XPO6: variants seen among roughly 807,000 people sequenced by gnomAD.
XPO6 encodes exportin 6.
A neutral mutation model predicts 130.0 loss-of-function variants in XPO6; 3 were observed. The ratio of observed to expected loss-of-function variants is 0.02; its 90% CI spans 0.01 to 0.06. The LOEUF (loss-of-function observed/expected upper bound fraction) is 0.06, where lower values mean the gene tolerates loss of function less well. XPO6 is among the 10% of genes least tolerant of loss of function. The pLI is 1.00. For synonymous variants in XPO6, 524 were observed against 548.9 expected (o/e 0.95, Z 0.63); for missense variants, 970 against 1,393.0 (o/e 0.70, Z 4.83).
intron 20 of XPO6, 188 bp downstream of exon 20, chr16:28,105,855 A>C: frequency 1.2e-6 from 1 of 832,726 alleles, no homozygotes; most frequent in Non-Finnish European, 1.8e-6. Flanking sequence ...GACTAGCTCC[A>C]ATGAACTCAA....
At chr16:28,197,467 C>T (rs1346349815) in intron 1 of XPO6, among the ~76,000 whole-genome samples, 2 of 152,010 alleles carry the variant, frequency 1.3e-5, no homozygotes, top group Non-Finnish European at 2.9e-5. Context: ...GAAAAAGATA[C>T]TGAGGAACAA....
intron 1 of XPO6, among the ~76,000 whole-genome samples, chr16:28,194,112 C>T (rs1413242902): frequency 1.3e-5 from 2 of 152,092 alleles, no homozygotes; most frequent in Admixed American, 1.3e-4. Flanking sequence ...TTCAACAGTA[C>T]TCCCCCTCAC....
intron 1 of XPO6, among the ~76,000 whole-genome samples, chr16:28,205,946 G>C (rs1194336264): frequency 1.3e-5 from 2 of 150,226 alleles, no homozygotes; most frequent in Non-Finnish European, 3.0e-5. Flanking sequence ...GCTGAGGCAG[G>C]AGAATCGCTT....
chr16:28,167,695 T>C (rs982675077), intron 5 of XPO6, among the ~76,000 whole-genome samples: 1 of 152,230 alleles, frequency 6.6e-6, no homozygotes. Context: ...TCTTCCTCTT[T>C]GTACCCGTAC....
At chr16:28,173,583 T>C (rs2043489865) in intron 4 of XPO6, among the ~76,000 whole-genome samples, 1 of 152,102 alleles carries the variant, frequency 6.6e-6, no homozygotes, top group Non-Finnish European at 1.5e-5. Context: ...TCTCTATTTA[T>C]TAAAATAAAA....
In XPO6 at chr16:28,101,140, C is replaced by T. The variant is rs2086647247; in HGVS notation, c.3276+318G>A. Reference sequence around the variant, plus strand: ...GCTGGCCCCACCGGGGCTCATCACCCAGGAGGGAGAACGGCAGGGTCCTGG... The same window carrying T: ...GCTGGCCCCACCGGGGCTCATCACCTAGGAGGGAGAACGGCAGGGTCCTGG... On this transcript the variant is annotated intron_variant, in intron 23 of 23. Transcript: ENST00000304658. The surrounding 1 kb of genome is among the most constrained non-coding windows in gnomAD (Gnocchi z 5.4). The T allele has an allele frequency of 2.3e-6, 1 of 429,050 alleles. No individual in the cohort carries two copies. The allele number at this position is 429,050 out of a possible 1,614,324, so 26.6% of individuals were successfully genotyped here.
intron 14 of XPO6, among the ~76,000 whole-genome samples, chr16:28,118,860 AC>A (rs894842047): frequency 4.6e-5 from 7 of 151,730 alleles, no homozygotes; most frequent in East Asian, 1.9e-4. Context: ...GTCCAACATC[AC>A]CCCCCCAGAC....
chr16:28,158,202 G>C (rs1325826707), intron 6 of XPO6, among the ~76,000 whole-genome samples: 1 of 152,174 alleles, frequency 6.6e-6, no homozygotes, highest in Non-Finnish European at 1.5e-5. Context: ...CCAAACAGAA[G>C]ACAGAGGTTA....
chr16:28,137,861 T>C (rs900085129), intron 9 of XPO6, among the ~76,000 whole-genome samples: 2 of 151,960 alleles, frequency 1.3e-5, no homozygotes, highest in Non-Finnish European at 2.9e-5. Context: ...GCCCCTGCCC[T>C]CCTCCCCACT....
chr16:28,172,743 A>C (rs536953882), intron 4 of XPO6, among the ~76,000 whole-genome samples: 2 of 152,272 alleles, frequency 1.3e-5, no homozygotes, highest in Non-Finnish European at 2.9e-5. Context: ...ACAGCGTTTA[A>C]AAAAAACAAA....
intron 4 of XPO6, among the ~76,000 whole-genome samples, chr16:28,174,482 G>A (rs745525329): frequency 6.6e-6 from 1 of 152,134 alleles, no homozygotes; most frequent in Non-Finnish European, 1.5e-5. Context: ...AGGAAGGCAG[G>A]GACTTGGTCT....
rs1024556699 is a variant in XPO6 at position 28,098,785 on chromosome 16, G to A, written c.3277-146C>T. On this transcript the variant is annotated intron_variant, in intron 23 of 23. Transcript: ENST00000304658. ...AAACTTCTATTCACTGTTGCACTGC[G>A]TGTCACAGAGACTCTGTGCCAGGCG... 42 of 561,014 alleles carry A rather than the reference G, an allele frequency of 7.5e-5. 1 individual carries two copies. In the East Asian group the frequency reaches 1.2e-3, roughly 16 times the overall value. The allele number at this position is 561,014 out of a possible 1,614,324, so 34.8% of individuals were successfully genotyped here.
intron 2 of XPO6, among the ~76,000 whole-genome samples, chr16:28,177,636 C>T (rs2043553415): frequency 6.6e-6 from 1 of 152,148 alleles, no homozygotes; most frequent in Admixed American, 6.5e-5. Context: ...CTGGAATGTT[C>T]TAAGAGTACC....
chr16:28,145,034 C>A (rs544393314), intron 9 of XPO6, among the ~76,000 whole-genome samples: 4 of 152,128 alleles, frequency 2.6e-5, no homozygotes, highest in Non-Finnish European at 5.9e-5. Context: ...GGAGCTATAA[C>A]CAAACTGAGT....
At chr16:28,113,306 C>T (rs1443711063) in intron 15 of XPO6, among the ~76,000 whole-genome samples, 1 of 152,178 alleles carries the variant, frequency 6.6e-6, no homozygotes, top group Non-Finnish European at 1.5e-5. Context: ...TGAACTCAGG[C>T]ACTTCTCAGC....
intron 1 of XPO6, among the ~76,000 whole-genome samples, chr16:28,192,524 C>A (rs1355541898): frequency 6.6e-6 from 1 of 152,092 alleles, no homozygotes; most frequent in Non-Finnish European, 1.5e-5. Flanking sequence ...GTGCTAGCCA[C>A]AAAAGGAAGG....
intron 14 of XPO6, among the ~76,000 whole-genome samples, chr16:28,121,254 A>T (rs554321195): frequency 1.3e-5 from 2 of 152,340 alleles, no homozygotes; most frequent in South Asian, 4.1e-4. Flanking sequence ...TTCCCCAAGC[A>T]TTCTTCTGCA....
chr16:28,170,759 T>C (rs924785700), intron 4 of XPO6, among the ~76,000 whole-genome samples: 5 of 152,218 alleles, frequency 3.3e-5, no homozygotes, highest in Non-Finnish European at 5.9e-5. Context: ...CAAATACCCA[T>C]GTAGCAAATT....
At chr16:28,142,942 C>T (rs1388115358) in intron 9 of XPO6, among the ~76,000 whole-genome samples, 1 of 152,190 alleles carries the variant, frequency 6.6e-6, no homozygotes, top group African/African-American at 2.4e-5. Context: ...AACTCCTGCC[C>T]TCAAGTGATC....
Sources: gnomAD v4.1 joint callset for allele counts (sites outside exome capture counted in the v4.1 genomes callset) on GRCh38, gnomAD v4.1.1 for gene constraint, Gnocchi (gnomAD v3.1) non-coding constraint, MANE v1.5 for transcripts, NCBI Gene and HGNC (gene_info 2026-07-23, HGNC 2026-07-21) for gene names.